The following CRHR2 variants were observed in gnomAD, a reference collection of about 807,000 sequenced individuals.
CRHR2 encodes the protein corticotropin-releasing hormone receptor 2.
A neutral mutation model predicts 57.9 loss-of-function variants in CRHR2; 53 were observed. That is an observed-to-expected ratio of 0.92 (90% CI 0.73 to 1.15). CRHR2 has a LOEUF of 1.15. CRHR2 is among the 50% of genes most tolerant of loss of function. CRHR2 has a pLI of 0.00. For missense variants in CRHR2, 532 were observed against 542.6 expected (o/e 0.98, Z 0.19); for synonymous variants, 213 against 220.9 (o/e 0.96, Z 0.32).
chr7:30,692,239 G>A (rs1784974692), intron 1 of CRHR2, among the ~76,000 whole-genome samples: 1 of 152,204 alleles, frequency 6.6e-6, no homozygotes, highest in Non-Finnish European at 1.5e-5. Flanking sequence ...AGTGATGGGA[G>A]GTCGAGTCCC....
At chr7:30,679,676 G>A (rs1402904991) in intron 2 of CRHR2, among the ~76,000 whole-genome samples, 2 of 152,260 alleles carry the variant, frequency 1.3e-5, no homozygotes, top group South Asian at 2.1e-4. Flanking sequence ...TAACAAAATT[G>A]GGGCAGGAAG....
intron 7 of CRHR2, among the ~76,000 whole-genome samples, chr7:30,661,564 T>C (rs1164335432): frequency 1.3e-5 from 2 of 152,160 alleles, no homozygotes; most frequent in Non-Finnish European, 2.9e-5. Context: ...CCTTGGAGAT[T>C]TGCATACAGG....
At chr7:30,693,481 G>A (rs1008386097) in intron 1 of CRHR2, among the ~76,000 whole-genome samples, 9 of 152,180 alleles carry the variant, frequency 5.9e-5, no homozygotes, top group African/African-American at 1.7e-4. Flanking sequence ...GGTGCTCTGC[G>A]CCCTCCCCAC....
chr7:30,655,822 C>G (rs1007828813), intron 9 of CRHR2, 105 bp downstream of exon 9: 1 of 1,590,780 alleles, frequency 6.3e-7, no homozygotes, highest in Non-Finnish European at 8.6e-7. Flanking sequence ...CTTGAGCGAG[C>G]TCCCTGGGTG....
intron 2 of CRHR2, among the ~76,000 whole-genome samples, chr7:30,672,072 GT>G (rs1784380484): frequency 6.6e-6 from 1 of 152,216 alleles, no homozygotes; most frequent in South Asian, 2.1e-4. Context: ...TATCTCTAAG[GT>G]TGGGGACCTC....
upstream of CRHR2, chr7:30,682,691 G>A (rs971978563): frequency 9.7e-6 from 2 of 205,908 alleles, no homozygotes; most frequent in Non-Finnish European, 1.7e-5. Context: ...CTGGGGTGAC[G>A]GAATGCTCTG....
chr7:30,682,596 C>T (rs1784762761), upstream of CRHR2: 1 of 944,242 alleles, frequency 1.1e-6, no homozygotes, highest in Non-Finnish European at 1.3e-6. Context: ...GGGCCCTCCA[C>T]CCTGCCCAAA....
intron 11 of CRHR2, chr7:30,654,655 G>A: frequency 1.3e-6 from 2 of 1,527,276 alleles, no homozygotes; most frequent in Non-Finnish European, 1.8e-6. Context: ...AGGTAGCGGG[G>A]GAATGTGCTG....
At chr7:30,689,536 C>T (rs1296068154) in intron 1 of CRHR2, among the ~76,000 whole-genome samples, 1 of 150,588 alleles carries the variant, frequency 6.6e-6, no homozygotes, top group Non-Finnish European at 1.5e-5. Context: ...ATCCCTCAGC[C>T]CCCAAGGCTG....
chr7:30,697,108 T>C (rs1192756672), intron 1 of CRHR2, among the ~76,000 whole-genome samples: 2 of 152,182 alleles, frequency 1.3e-5, no homozygotes, highest in Non-Finnish European at 2.9e-5. Context: ...ACCCTCAGTG[T>C]GTGTATGTTA....
At chr7:30,677,795 T>C (rs1255003286) in intron 2 of CRHR2, among the ~76,000 whole-genome samples, 1 of 152,204 alleles carries the variant, frequency 6.6e-6, no homozygotes, top group East Asian at 1.9e-4. Context: ...GTTGGCCAGG[T>C]GCAGTGGCTC....
chr7:30,665,468 A>T lies in CRHR2; in HGVS notation c.425+62T>A, dbSNP rs575959197. ...GAATGGAGGTGAGAATGTCTGGGAGAGGTGAAGGGGGTGCTGTAGGGGGAG... is the reference window on the plus strand; with the variant it reads ...GAATGGAGGTGAGAATGTCTGGGAGTGGTGAAGGGGGTGCTGTAGGGGGAG... On this transcript the variant is annotated intron_variant, in intron 4 of 11. Transcript: ENST00000471646. The surrounding 1 kb of genome is among the most constrained non-coding windows in gnomAD (Gnocchi z 4.5). 5 of 1,335,834 alleles carry T rather than the reference A, an allele frequency of 3.7e-6. No individual in the cohort carries two copies. In the South Asian group the frequency reaches 5.1e-5, roughly 14 times the overall value. The allele number at this position is 1,335,834 out of a possible 1,614,324, so 82.7% of individuals were successfully genotyped here. A position where few individuals can be genotyped will look rare whatever the true frequency, so the allele number is the denominator to read the frequency against.
Position 30,655,071 on chromosome 7 carries a change from C to A in CRHR2, c.1063G>T (p.Val355Leu), listed in dbSNP as rs760573349. Residue 355 changes from valine (V) to leucine (L), a missense_variant, in exon 11 of 12, where the codon GTG (valine) becomes TTG (leucine). Transcript: ENST00000471646. ...SFLQSFQGFF[V>L]SVFYCFFNGE... The stretch of plus-strand genomic sequence containing the variant: ...TTGAAGAAGCAGTAGAAGACAGACA[C>A]GAAGAAACCCTGGAAAGGAGGGAAA... 3 of 1,613,288 alleles carry A rather than the reference C, an allele frequency of 1.9e-6. No individual in the cohort carries two copies. The highest frequency in any genetic ancestry group is 2.2e-5 in the East Asian group (1 of 44,852).
At chr7:30,699,290 G>A (rs1345282317) in intron 1 of CRHR2, among the ~76,000 whole-genome samples, 1 of 152,178 alleles carries the variant, frequency 6.6e-6, no homozygotes, top group Non-Finnish European at 1.5e-5. Flanking sequence ...TCTGGACAAA[G>A]GCACGGGGTG....
intron 5 of CRHR2, among the ~76,000 whole-genome samples, chr7:30,664,120 G>T (rs1048240392): frequency 1.3e-5 from 2 of 152,166 alleles, no homozygotes; most frequent in Non-Finnish European, 2.9e-5. Context: ...CCCTCAACTC[G>T]AGTGAACCTG....
intron 1 of CRHR2, chr7:30,689,313 G>A (rs1466936932): frequency 6.5e-7 from 1 of 1,534,554 alleles, no homozygotes; most frequent in South Asian, 1.2e-5. Context: ...GAGGGTCAAA[G>A]ATCAGGCCCA....
At chr7:30,677,693 C>T (rs1784561710) in intron 2 of CRHR2, among the ~76,000 whole-genome samples, 2 of 152,132 alleles carry the variant, frequency 1.3e-5, no homozygotes, top group South Asian at 2.1e-4. Flanking sequence ...ATCAGATGCA[C>T]CTACCCGAGG....
intron 10 of CRHR2, 78 bp downstream of exon 10, chr7:30,655,502 C>T: frequency 6.6e-7 from 1 of 1,515,634 alleles, no homozygotes; most frequent in South Asian, 1.3e-5. Context: ...CCCACGGGAC[C>T]CCCTTAGTGA....
upstream of CRHR2, chr7:30,682,595 A>T: frequency 1.1e-6 from 1 of 936,888 alleles, no homozygotes; most frequent in Non-Finnish European, 1.3e-6. Context: ...CGGGCCCTCC[A>T]CCCTGCCCAA....
Sources: allele counts gnomAD v4.1 joint callset (sites outside exome capture counted in the v4.1 genomes callset), GRCh38; gene constraint gnomAD v4.1.1; non-coding constraint Gnocchi (gnomAD v3.1); transcripts MANE v1.5; gene names NCBI Gene and HGNC (gene_info 2026-07-23, HGNC 2026-07-21).